ADORA1: variants seen among roughly 807,000 people sequenced by gnomAD.
The protein encoded by ADORA1 is adenosine receptor A1.
ADORA1 carries 6 observed loss-of-function variants against 19.9 expected under a neutral mutation model. That is an observed-to-expected ratio of 0.30 (90% CI 0.17 to 0.59). ADORA1 has a LOEUF of 0.59. Among genes scored for constraint, ADORA1 ranks in the 20% least tolerant of loss-of-function variants. ADORA1 has a pLI of 0.87. For synonymous variants in ADORA1, 194 were observed against 188.4 expected, an observed-to-expected ratio of 1.03 and a Z score of -0.24; for missense variants, 302 against 439.2, an observed-to-expected ratio of 0.69 and a Z score of 2.79.
intron 3 of ADORA1, among the ~76,000 whole-genome samples, chr1:203,152,128 G>A (rs1325932542): frequency 1.3e-5 from 2 of 152,198 alleles, no homozygotes; most frequent in Non-Finnish European, 2.9e-5. Context: ...TCATCATCCA[G>A]ACAAGGACAC....
intron 3 of ADORA1, among the ~76,000 whole-genome samples, chr1:203,162,917 G>A (rs779967812): frequency 2.0e-5 from 3 of 152,206 alleles, no homozygotes; most frequent in South Asian, 4.1e-4. Context: ...GTGGCAGCTC[G>A]CTTTCCCTGC....
At chr1:203,135,553 G>C (rs1218742899) in intron 3 of ADORA1, among the ~76,000 whole-genome samples, 2 of 151,772 alleles carry the variant, frequency 1.3e-5, no homozygotes, top group Non-Finnish European at 2.9e-5. Context: ...AGCTACTTGA[G>C]AGGCTGAGGC....
rs765840235 is a variant in ADORA1, at chr1:203,128,881, G to A, written c.40G>A (p.Gly14Ser). 11 of 1,610,276 alleles carry A rather than the reference G, an allele frequency of 6.8e-6. No individual in the cohort carries two copies. The highest frequency in any genetic ancestry group is 8.5e-6 in the Non-Finnish European group (10 of 1,179,020). The stretch of plus-strand genomic sequence containing the variant: ...CTCAGCTTTCCAGGCCGCCTACATC[G>A]GCATCGAGGTGCTCATCGCCCTGGT... ...SISAFQAAYI[G>S]IEVLIALVSV... The change falls in exon 3 of 4, where the codon GGC becomes AGC. Residue 14 changes from glycine to serine, a missense_variant. By Grantham distance (56) the Gly-to-Ser change is moderately conservative. Transcript: ENST00000337894. The surrounding 1 kb of genome is among the most constrained non-coding windows in gnomAD (Gnocchi z 5.9).
At chr1:203,140,392 G>T (rs1020634883) in intron 3 of ADORA1, among the ~76,000 whole-genome samples, 2 of 152,210 alleles carry the variant, frequency 1.3e-5, no homozygotes, top group Non-Finnish European at 2.9e-5. Context: ...GACGATCCGG[G>T]CTTACGGCTT....
chr1:203,163,350 G>A (rs754612956), intron 3 of ADORA1, among the ~76,000 whole-genome samples: 96 of 152,224 alleles, frequency 6.3e-4, no homozygotes, highest in Non-Finnish European at 1.1e-3. Context: ...CAGACTGGCA[G>A]CCCGAGTTTG....
At chr1:203,137,573 G>A (rs1019703790) in intron 3 of ADORA1, among the ~76,000 whole-genome samples, 8 of 152,208 alleles carry the variant, frequency 5.3e-5, no homozygotes, top group African/African-American at 1.2e-4. Flanking sequence ...AAGGGAAGAC[G>A]GAGGTGGCTC....
At chr1:203,129,329 C>G (rs1029128549) in intron 3 of ADORA1, 147 bp downstream of exon 3, 9 of 1,423,832 alleles carry the variant, frequency 6.3e-6, no homozygotes, top group Non-Finnish European at 8.3e-6. Flanking sequence ...TCTGCCTTTC[C>G]GTGCTCCGCT....
chr1:203,150,596 C>T, intron 3 of ADORA1: 1 of 1,282,214 alleles, frequency 7.8e-7, no homozygotes, highest in Admixed American at 2.3e-5. Context: ...GGGAGAAAGG[C>T]CAGGATCGGG....
rs4020534 is a variant in ADORA1, at chr1:203,155,016, TTTATTATTATTATTA to T, written c.342-10218_342-10204del. On this transcript the variant is annotated intron_variant, in intron 3 of 3. Coordinates refer to ENST00000337894, the MANE Select transcript of ADORA1 (RefSeq NM_000674.3). The stretch of plus-strand genomic sequence containing the variant: ...TCTGATGGCATCTGGGCTCTTCCTA[TTTATTATTATTATTA>T]TTATTATTATTATTATTATTATTAT... Among the ~76,000 whole-genome samples, 483 of 142,354 alleles carry T rather than the reference TTTATTATTATTATTA, an allele frequency of 3.4e-3. 4 individuals carry two copies. The highest frequency in any genetic ancestry group is 4.4e-3 in the Non-Finnish European group (293 of 65,866). The allele number at this position is 142,354 out of a possible 152,430, so 93.4% of individuals were successfully genotyped here. A position where few individuals can be genotyped will look rare whatever the true frequency, so the allele number is the denominator to read the frequency against.
At chr1:203,135,209 T>C (rs1654466974) in intron 3 of ADORA1, among the ~76,000 whole-genome samples, 1 of 152,244 alleles carries the variant, frequency 6.6e-6, no homozygotes, top group Non-Finnish European at 1.5e-5. Flanking sequence ...AGAGCAGGCA[T>C]GCCGGAAAAA....
intron 3 of ADORA1, among the ~76,000 whole-genome samples, chr1:203,151,809 C>CATTCATTG (rs1198209346): frequency 6.6e-6 from 1 of 151,984 alleles, no homozygotes. Flanking sequence ...TTCATTCATT[C>CATTCATTG]ATTCATTCAT....
At chr1:203,160,291 A>AT (rs1202369222) in intron 3 of ADORA1, among the ~76,000 whole-genome samples, 1 of 152,008 alleles carries the variant, frequency 6.6e-6, no homozygotes, top group Non-Finnish European at 1.5e-5. Context: ...CCAATTTTGG[A>AT]TTTTTTCAGA....
At chr1:203,136,449 C>T (rs1027658170) in intron 3 of ADORA1, among the ~76,000 whole-genome samples, 4 of 152,174 alleles carry the variant, frequency 2.6e-5, no homozygotes, top group South Asian at 2.1e-4. Context: ...GAGGGGCTGG[C>T]AACATCCATT....
At chr1:203,134,669 A>G (rs1485455158) in intron 3 of ADORA1, among the ~76,000 whole-genome samples, 1 of 152,194 alleles carries the variant, frequency 6.6e-6, no homozygotes, top group East Asian at 1.9e-4. Flanking sequence ...TTTATTTCCA[A>G]GCATAAAAGC....
chr1:203,133,334 C>T lies in ADORA1; in HGVS notation c.341+4152C>T, dbSNP rs192649552. On this transcript the variant is annotated intron_variant, in intron 3 of 3. Transcript: ENST00000337894. ...TTCACCATGTTGGCCAGGCTGGTCT[C>T]GAATTTTTGACCTCAGGTGAGCCAC... is the stretch of plus-strand genomic sequence containing the variant. Among the ~76,000 whole-genome samples, 24 of 152,226 alleles carry T rather than the reference C, an allele frequency of 1.6e-4. No individual in the cohort carries two copies. In the East Asian group the frequency reaches 4.3e-3, roughly 27 times the overall value.
At chr1:203,132,978 G>A (rs998222000) in intron 3 of ADORA1, among the ~76,000 whole-genome samples, 8 of 152,184 alleles carry the variant, frequency 5.3e-5, no homozygotes, top group Non-Finnish European at 8.8e-5. Context: ...ATCCCGGGAG[G>A]GTTTTGTTGT....
Position 203,166,943 on chromosome 1 carries a change from CT to C in ADORA1, c.*1044del, listed in dbSNP as rs1402914018. 6.6e-6 allele frequency: 1 copy of C among 152,588 alleles called. No homozygotes were observed. The highest frequency in any genetic ancestry group is 1.5e-5 in the Non-Finnish European group (1 of 68,354). 9.5% of individuals were successfully genotyped at this position (152,588 alleles called of 1,614,324 possible). On this transcript the variant is annotated 3_prime_UTR_variant, in exon 4 of 4. Transcript: ENST00000337894. ...GCGCCCCTGGGGTGGGTTTAGCAGG[CT>C]GCAGCAGGCAGAGGAGAGTACCCCC...
intron 3 of ADORA1, among the ~76,000 whole-genome samples, chr1:203,136,195 A>G (rs1654501831): frequency 6.6e-6 from 1 of 152,196 alleles, no homozygotes; most frequent in Non-Finnish European, 1.5e-5. Context: ...CAGCTGCCGC[A>G]GTCCAAAGAA....
chr1:203,165,329 T>C lies in ADORA1; in HGVS notation c.410T>C (p.Val137Ala). Reference protein sequence around the residue: ...AIAGCWILSFVVGLTPMFGWN... With the variant: ...AIAGCWILSFAVGLTPMFGWN... ...GCCGGCTGCTGGATCCTCTCCTTCG[T>C]GGTGGGACTGACCCCTATGTTTGGC... is the stretch of plus-strand genomic sequence containing the variant. The change falls in exon 4 of 4, where the codon GTG becomes GCG. Residue 137 changes from valine to alanine, a missense_variant. Physicochemically the swap from Val to Ala is moderately conservative, Grantham distance 64. Transcript: ENST00000337894. This position sits in a 1 kb window ranked among gnomAD's most constrained non-coding sequence, Gnocchi z 5.9. The C allele has an allele frequency of 6.4e-7, 1 of 1,574,600 alleles. No individual in the cohort carries two copies. Among genetic ancestry groups the C allele is most frequent in the Non-Finnish European group, 8.6e-7 (1 of 1,159,706 alleles).
Sources: gnomAD v4.1 joint callset for allele counts (sites outside exome capture counted in the v4.1 genomes callset) on GRCh38, gnomAD v4.1.1 for gene constraint, Gnocchi (gnomAD v3.1) non-coding constraint, MANE v1.5 for transcripts, NCBI Gene and HGNC (gene_info 2026-07-23, HGNC 2026-07-21) for gene names.